Variants in TNN observed in about 807,000 individuals in gnomAD.
TNN encodes tenascin N, also known as tenascin-N.
Under a neutral mutation model 134.4 loss-of-function variants are expected in TNN, and 122 were observed. The observed-to-expected ratio is 0.91, with a 90% CI of 0.78 to 1.06. TNN has a LOEUF of 1.06. Ranked by LOEUF, TNN falls within the 50% of genes least tolerant of loss-of-function variation. TNN has a pLI of 0.00. For synonymous variants in TNN, 710 were observed against 670.3 expected, an observed-to-expected ratio of 1.06 and a Z score of -0.91; for missense variants, 1,739 against 1,699.4, an observed-to-expected ratio of 1.02 and a Z score of -0.41.
intron 9 of TNN, among the ~76,000 whole-genome samples, chr1:175,113,116 TC>T (rs1675079381): frequency 6.6e-6 from 1 of 152,258 alleles, no homozygotes; most frequent in Non-Finnish European, 1.5e-5. Flanking sequence ...TTGATCCTTT[TC>T]TTTCTCCTTT....
At chr1:175,122,271 C>A (rs1273681824) in intron 11 of TNN, among the ~76,000 whole-genome samples, 1 of 151,792 alleles carries the variant, frequency 6.6e-6, no homozygotes, top group Admixed American at 6.6e-5. Flanking sequence ...ACCTGTATTC[C>A]CAGCTACTCT....
At chr1:175,116,227 C>A (rs1200037846) in intron 9 of TNN, among the ~76,000 whole-genome samples, 1 of 151,252 alleles carries the variant, frequency 6.6e-6, no homozygotes, top group African/African-American at 2.4e-5. Flanking sequence ...CCTTTTTTTT[C>A]TTGTGGAGAA....
intron 9 of TNN, among the ~76,000 whole-genome samples, chr1:175,099,128 A>T (rs988204044): frequency 2.0e-5 from 3 of 152,128 alleles, no homozygotes; most frequent in African/African-American, 7.2e-5. Context: ...AATAGTCCCT[A>T]CTTCCCTACA....
chr1:175,085,251 C>A (rs557087341), intron 5 of TNN, among the ~76,000 whole-genome samples, 154 bp from the exon 6 acceptor site: 1 of 152,196 alleles, frequency 6.6e-6, no homozygotes, highest in Non-Finnish European at 1.5e-5. Context: ...ATTGCACCTG[C>A]GGGGCTTTAT....
intron 1 of TNN, among the ~76,000 whole-genome samples, chr1:175,071,122 C>T (rs1673905686): frequency 6.6e-6 from 1 of 152,204 alleles, no homozygotes; most frequent in South Asian, 2.1e-4. Flanking sequence ...AAACCCAAAG[C>T]AGTGCTTTCA....
chr1:175,109,359 A>G (rs1674960774), intron 9 of TNN, among the ~76,000 whole-genome samples: 1 of 151,524 alleles, frequency 6.6e-6, no homozygotes, highest in Admixed American at 6.6e-5. Context: ...AAGTGCTGGG[A>G]TTACAGGCGT....
At chr1:175,123,749 G>A (rs1447875276) in intron 12 of TNN, 86 bp downstream of exon 12, 1 of 1,576,086 alleles carries the variant, frequency 6.3e-7, no homozygotes, top group Non-Finnish European at 8.6e-7. Context: ...AGGGGAGCAG[G>A]AGGGTGGTTG....
chr1:175,140,614 G>C (rs963311725), intron 17 of TNN, among the ~76,000 whole-genome samples: 3 of 152,192 alleles, frequency 2.0e-5, no homozygotes, highest in African/African-American at 7.2e-5. Context: ...CAGGTACTCT[G>C]TTTGCATGTT....
chr1:175,126,513 T>C (rs186261944), intron 12 of TNN, among the ~76,000 whole-genome samples: 135 of 152,288 alleles, frequency 8.9e-4, no homozygotes, highest in African/African-American at 3.1e-3. Flanking sequence ...GTGACAGGCA[T>C]TGGGGCCCAT....
intron 6 of TNN, among the ~76,000 whole-genome samples, chr1:175,086,183 T>G (rs1345769515): frequency 6.6e-6 from 1 of 152,224 alleles, no homozygotes; most frequent in African/African-American, 2.4e-5. Context: ...GCCACACCTG[T>G]GTTTTTTCCT....
intron 9 of TNN, 73 bp from the exon 10 acceptor site, chr1:175,116,866 C>G: frequency 1.2e-6 from 2 of 1,602,782 alleles, no homozygotes; most frequent in South Asian, 2.2e-5. Context: ...TGCCTTACCA[C>G]AAGTAAAATG....
intron 17 of TNN, among the ~76,000 whole-genome samples, chr1:175,143,311 C>A (rs770905023): frequency 4.1e-4 from 63 of 152,262 alleles, no homozygotes; most frequent in African/African-American, 1.4e-3. Flanking sequence ...AGGAACAGAG[C>A]TTGATGAAGC....
chr1:175,115,177 C>A (rs761010059), intron 9 of TNN, among the ~76,000 whole-genome samples: 41 of 152,144 alleles, frequency 2.7e-4, no homozygotes, highest in Non-Finnish European at 3.5e-4. Context: ...CTAGGACGTG[C>A]AGCTGCTCAG....
intron 13 of TNN, 70 bp from the exon 14 acceptor site, chr1:175,127,962 G>C (rs1675572901): frequency 6.3e-7 from 1 of 1,575,356 alleles, no homozygotes. Context: ...AGGGAACGCT[G>C]TTGACACCTA....
At position 175,098,518 on chromosome 1, in the gene TNN, G is replaced by T. The variant is rs765947453; in HGVS notation, c.2042G>T (p.Gly681Val). The change falls in exon 9 of 19, where the codon GGT becomes GTT. Residue 681 changes from glycine (G) to valine (V), a missense_variant. Gly to Val is a moderately radical substitution (Grantham distance 109, BLOSUM62 -3). Coordinates refer to ENST00000239462, the MANE Select transcript of TNN (RefSeq NM_022093.2). ...SSTVLTGLRPGMEYMVHVWAQ... is the reference protein window; with the variant it reads ...SSTVLTGLRPVMEYMVHVWAQ... Reference sequence around the variant, plus strand: ...ACAGTCCTGACAGGCCTGAGACCGGGTATGGAGTACATGGTGCACGTGTGG... The same window carrying T: ...ACAGTCCTGACAGGCCTGAGACCGGTTATGGAGTACATGGTGCACGTGTGG... The T allele has an allele frequency of 1.2e-6, 2 of 1,614,200 alleles. No homozygotes were observed. Among genetic ancestry groups the T allele is most frequent in the Non-Finnish European group, 1.7e-6 (2 of 1,180,032 alleles).
intron 6 of TNN, 98 bp downstream of exon 6, chr1:175,085,592 C>A (rs2149429144): frequency 1.1e-6 from 1 of 888,482 alleles, no homozygotes; most frequent in East Asian, 2.7e-5. Flanking sequence ...CTGGGATTTG[C>A]AGACAGACGG....
intron 16 of TNN, among the ~76,000 whole-genome samples, chr1:175,136,585 G>A (rs566498403): frequency 6.6e-6 from 1 of 152,314 alleles, no homozygotes; most frequent in South Asian, 2.1e-4. Flanking sequence ...AATGGAGGCA[G>A]ATTCCTTCTG....
At chr1:175,068,049 C>A in intron 1 of TNN, 114 bp downstream of exon 1, 1 of 422,630 alleles carries the variant, frequency 2.4e-6, no homozygotes, top group Non-Finnish European at 4.8e-6. Context: ...AAAATCCGGG[C>A]AGTGTAATTA....
chr1:175,146,470 C>T (rs775371900), intron 18 of TNN, among the ~76,000 whole-genome samples: 4 of 152,090 alleles, frequency 2.6e-5, no homozygotes, highest in Non-Finnish European at 5.9e-5. Context: ...TATTTGTTAC[C>T]CCAGAGCTAA....
Sources: gnomAD v4.1 joint callset for allele counts (sites outside exome capture counted in the v4.1 genomes callset) on GRCh38, gnomAD v4.1.1 for gene constraint, MANE v1.5 for transcripts, NCBI Gene and HGNC (gene_info 2026-07-23, HGNC 2026-07-21) for gene names.